CNRIP1: variants seen among roughly 807,000 people sequenced by gnomAD.
CNRIP1 encodes the protein CB1 cannabinoid receptor-interacting protein 1.
Under a neutral mutation model 15.2 loss-of-function variants are expected in CNRIP1, and 10 were observed. The ratio of observed to expected loss-of-function variants is 0.66; its 90% CI spans 0.41 to 1.12. The LOEUF is 1.12. Among genes scored for constraint, CNRIP1 ranks in the 50% most tolerant of loss-of-function variants. The pLI, the probability that CNRIP1 is intolerant of heterozygous loss-of-function variation, is 0.00. For synonymous variants in CNRIP1, 91 were observed against 83.2 expected (o/e 1.09, Z -0.51); for missense variants, 211 against 214.7 (o/e 0.98, Z 0.11).
intron 2 of CNRIP1, among the ~76,000 whole-genome samples, chr2:68,295,728 T>C (rs1246713148): frequency 1.3e-5 from 2 of 152,096 alleles, no homozygotes; most frequent in Non-Finnish European, 2.9e-5. Flanking sequence ...ATCTAGAGCC[T>C]AGGGTGAGAA....
At chr2:68,304,401 C>CA (rs34952922) in intron 2 of CNRIP1, among the ~76,000 whole-genome samples, 84,942 of 148,154 alleles carry the variant, frequency 0.57, 25,114 homozygotes, top group African/African-American at 0.72. Context: ...GACTCCATCT[C>CA]AAAAAAAAAA....
intron 2 of CNRIP1, among the ~76,000 whole-genome samples, chr2:68,302,571 C>A (rs935858540): frequency 6.6e-6 from 1 of 152,138 alleles, no homozygotes; most frequent in East Asian, 1.9e-4. Flanking sequence ...AAGATCATTG[C>A]CATTAATCTA....
chr2:68,303,242 A>T (rs1297181676), intron 2 of CNRIP1, among the ~76,000 whole-genome samples: 1 of 152,236 alleles, frequency 6.6e-6, no homozygotes, highest in Non-Finnish European at 1.5e-5. Flanking sequence ...TTGAAAGGAA[A>T]TATTATCTTA....
intron 2 of CNRIP1, among the ~76,000 whole-genome samples, chr2:68,307,519 T>A (rs1287919284): frequency 1.3e-5 from 2 of 152,208 alleles, no homozygotes; most frequent in Middle Eastern, 3.4e-3. Flanking sequence ...AGAAATAGGA[T>A]TTTGCTATAT....
exon 3 of CNRIP1, chr2:68,284,330 G>T: frequency 3.0e-6 from 2 of 675,198 alleles, no homozygotes; most frequent in African/African-American, 1.8e-5. Flanking sequence ...TAATTCTGAT[G>T]GCCTGTGAGA....
chr2:68,302,899 T>G (rs925925117), intron 2 of CNRIP1, among the ~76,000 whole-genome samples: 1 of 144,238 alleles, frequency 6.9e-6, no homozygotes, highest in Non-Finnish European at 1.5e-5. Context: ...CAGGCTGGAG[T>G]GCAGTGGTGC....
At chr2:68,303,944 G>A (rs1671711367) in intron 2 of CNRIP1, among the ~76,000 whole-genome samples, 1 of 152,126 alleles carries the variant, frequency 6.6e-6, no homozygotes, top group Non-Finnish European at 1.5e-5. Context: ...TGGGTATGGT[G>A]GTGCATGCCT....
At chr2:68,302,836 T>C (rs1185402568) in intron 2 of CNRIP1, among the ~76,000 whole-genome samples, 1 of 151,400 alleles carries the variant, frequency 6.6e-6, no homozygotes, top group African/African-American at 2.4e-5. Flanking sequence ...TATTCAATGA[T>C]TTGAAAAACT....
intron 2 of CNRIP1, among the ~76,000 whole-genome samples, chr2:68,302,143 A>C (rs1327102746): frequency 6.6e-6 from 1 of 152,084 alleles, no homozygotes; most frequent in African/African-American, 2.4e-5. Context: ...TTCTTTTATA[A>C]ATTGCCTATT....
At chr2:68,288,881 G>A (rs1414930426), downstream of CNRIP1, among the ~76,000 whole-genome samples, 1 of 152,202 alleles carries the variant, frequency 6.6e-6, no homozygotes, top group Non-Finnish European at 1.5e-5. Context: ...CAGTGATGGG[G>A]AGAAGAAAAA....
Position 68,319,369 on chromosome 2 carries a change from G to C in CNRIP1, c.32C>G (p.Ser11Cys). 1 of 1,586,578 alleles carries C rather than the reference G, an allele frequency of 6.3e-7. No homozygotes were observed. Among genetic ancestry groups the C allele is most frequent in the East Asian group, 2.3e-5 (1 of 43,912 alleles). ...ATTAGGCTGGATGCGCAGCGCGATG[G>C]AGAGGCGCACGAGGCCCGGCAGGTC... MGDLPGLVRL[S>C]IALRIQPNDG... Residue 11 changes from serine (S) to cysteine (C), a missense_variant, in exon 1 of 3, where the codon TCC becomes TGC. By Grantham distance (112) the Ser-to-Cys change is moderately radical. Transcript: ENST00000263655.
chr2:68,293,129 T>C lies in CNRIP1; in HGVS notation c.*733A>G, dbSNP rs1671220812. 1 of 985,486 alleles carries C rather than the reference T, an allele frequency of 1.0e-6. No homozygotes were observed. The allele number at this position is 985,486 out of a possible 1,614,324, so 61.0% of individuals were successfully genotyped here. ...CATCAATGTGCGTGTCTGAAGACTATGGAAGCTTGTCAAAGGGGTAACCCT... is the reference window on the plus strand; with the variant it reads ...CATCAATGTGCGTGTCTGAAGACTACGGAAGCTTGTCAAAGGGGTAACCCT... On this transcript the variant is annotated 3_prime_UTR_variant, in exon 3 of 3. Coordinates refer to ENST00000263655, the MANE Select transcript of CNRIP1 (RefSeq NM_015463.3).
chr2:68,290,837 G>T (rs1671151111), downstream of CNRIP1, among the ~76,000 whole-genome samples: 2 of 152,202 alleles, frequency 1.3e-5, no homozygotes, highest in Admixed American at 1.3e-4. Flanking sequence ...AGTAAGCGAG[G>T]TGTCACAAAA....
intron 2 of CNRIP1, among the ~76,000 whole-genome samples, chr2:68,295,210 G>T (rs2103618605): frequency 6.6e-6 from 1 of 152,306 alleles, no homozygotes; most frequent in Non-Finnish European, 1.5e-5. Context: ...GGAGTCTTAT[G>T]CTTCTTGCTG....
chr2:68,296,626 GTTC>G (rs1558662243), intron 2 of CNRIP1, among the ~76,000 whole-genome samples: 1 of 151,370 alleles, frequency 6.6e-6, no homozygotes, highest in Non-Finnish European at 1.5e-5. Context: ...TTTCTCCTAT[GTTC>G]TTTTTTTAAT....
chr2:68,296,829 C>T (rs781710109), intron 2 of CNRIP1, among the ~76,000 whole-genome samples: 29 of 151,950 alleles, frequency 1.9e-4, no homozygotes, highest in African/African-American at 2.7e-4. Flanking sequence ...TTAGTAGAGA[C>T]GGGGTTTCAC....
chr2:68,315,382 C>T (rs1672234554), intron 2 of CNRIP1, among the ~76,000 whole-genome samples: 1 of 152,104 alleles, frequency 6.6e-6, no homozygotes, highest in Non-Finnish European at 1.5e-5. Flanking sequence ...AATTGCCTAG[C>T]TTTTCTGGAG....
chr2:68,285,668 A>AAAGAAAAG (rs1553413240), intron 2 of CNRIP1, among the ~76,000 whole-genome samples: 13 of 124,436 alleles, frequency 1.0e-4, no homozygotes, highest in East Asian at 2.2e-4. Flanking sequence ...AAAAAAAAAA[A>AAAGAAAAG]AAAAGAAAAG....
chr2:68,313,959 G>C (rs1269764509), intron 2 of CNRIP1, among the ~76,000 whole-genome samples: 16 of 152,062 alleles, frequency 1.1e-4, no homozygotes, highest in Admixed American at 7.9e-4. Context: ...TACATACGCT[G>C]TCTCCAGCTC....
Sources: gnomAD v4.1 joint callset for allele counts (sites outside exome capture counted in the v4.1 genomes callset) on GRCh38, gnomAD v4.1.1 for gene constraint, MANE v1.5 for transcripts, NCBI Gene and HGNC (gene_info 2026-07-23, HGNC 2026-07-21) for gene names.